Variants in ACSL3 observed in about 807,000 individuals in gnomAD.
ACSL3 encodes the protein fatty acid CoA ligase Acsl3.
Under a neutral mutation model 84.7 loss-of-function variants are expected in ACSL3, and 34 were observed. The observed-to-expected ratio is 0.40, with a 90% CI of 0.31 to 0.53. The LOEUF is 0.53. Among genes scored for constraint, ACSL3 ranks in the 20% least tolerant of loss-of-function variants. The pLI is 0.48. For missense variants in ACSL3, 680 were observed against 873.1 expected (o/e 0.78, Z 2.79); for synonymous variants, 315 against 299.4 (o/e 1.05, Z -0.54).
chr2:222,887,888 G>A lies in ACSL3; in HGVS notation c.-148G>A, dbSNP rs1695760790. On this transcript the variant is annotated splice_region_variant and 5_prime_UTR_variant, in exon 2 of 17. Transcript: ENST00000357430. ...CTAGTACCTCCTACCATTGTCAACT[G>A]GTAAAATATTTAATTTTTTATTACA... 1 of 151,770 alleles carries A rather than the reference G, an allele frequency of 6.6e-6. No individual in the cohort carries two copies. The highest frequency in any genetic ancestry group is 6.6e-5 in the Admixed American group (1 of 15,248). The allele number at this position is 151,770 out of a possible 1,614,324, so 9.4% of individuals were successfully genotyped here.
At chr2:222,938,450 T>C (rs533044865) in intron 16 of ACSL3, among the ~76,000 whole-genome samples, 17 of 152,298 alleles carry the variant, frequency 1.1e-4, no homozygotes, top group African/African-American at 4.1e-4. Context: ...GTTGACAATT[T>C]TTTTTCTTTC....
chr2:222,894,895 T>C (rs1695934576), intron 2 of ACSL3, among the ~76,000 whole-genome samples: 1 of 152,178 alleles, frequency 6.6e-6, no homozygotes. Flanking sequence ...ATTTTCTATT[T>C]TTGGTTTTTT....
At position 222,908,831 on chromosome 2, in the gene ACSL3, C is replaced by G. The variant is rs759132128; in HGVS notation, c.59C>G (p.Pro20Arg). 3.7e-6 allele frequency: 6 copies of G among 1,605,554 alleles called. No individual in the cohort carries two copies. The African/African-American group carries it at 8.1e-5, about 22-fold the overall frequency. The part of the protein sequence containing the change: ...STMKLKHTIN[P>R]ILLYFIHFLI... ...ATGAAGCTAAAACATACCATCAACC[C>G]TATTCTTTTATATTTTATACATTTT... is the stretch of plus-strand genomic sequence containing the variant. The change falls in exon 4 of 17, where the codon CCT becomes CGT. Residue 20 changes from proline (P) to arginine (R), a missense_variant. By Grantham distance (103) the Pro-to-Arg change is moderately radical. Transcript: ENST00000357430.
At chr2:222,910,147 G>A (rs1294704444) in intron 4 of ACSL3, among the ~76,000 whole-genome samples, 1 of 152,164 alleles carries the variant, frequency 6.6e-6, no homozygotes, top group African/African-American at 2.4e-5. Flanking sequence ...AGAATTCAAT[G>A]AGGAAAATTA....
chr2:222,868,365 G>C (rs146721810), intron 1 of ACSL3, among the ~76,000 whole-genome samples: 6 of 152,116 alleles, frequency 3.9e-5, no homozygotes, highest in Non-Finnish European at 7.3e-5. Flanking sequence ...AAATCTACCC[G>C]TAGATTGTTG....
At chr2:222,865,595 C>T (rs1330884731) in intron 1 of ACSL3, among the ~76,000 whole-genome samples, 3 of 152,254 alleles carry the variant, frequency 2.0e-5, no homozygotes, top group African/African-American at 7.2e-5. Context: ...AAATATATTA[C>T]AGGATGGTAT....
At chr2:222,864,393 TA>T (rs1014462111) in intron 1 of ACSL3, among the ~76,000 whole-genome samples, 1 of 152,048 alleles carries the variant, frequency 6.6e-6, no homozygotes, top group Admixed American at 6.6e-5. Context: ...GGCTATAGAA[TA>T]AGAAGAGAAG....
At chr2:222,933,519 G>A (rs1697090668) in intron 15 of ACSL3, 2 of 335,404 alleles carry the variant, frequency 6.0e-6, no homozygotes, top group South Asian at 6.7e-5. Context: ...CCCATGGAGG[G>A]AGGTGAAGAA....
chr2:222,937,160 TC>T (rs1439669569), intron 16 of ACSL3, among the ~76,000 whole-genome samples: 6 of 151,844 alleles, frequency 4.0e-5, no homozygotes, highest in Non-Finnish European at 1.5e-5. Context: ...TTAGGTTTAT[TC>T]CTAAGTATTT....
intron 1 of ACSL3, among the ~76,000 whole-genome samples, chr2:222,877,747 T>C (rs997089819): frequency 1.3e-5 from 2 of 152,212 alleles, no homozygotes; most frequent in African/African-American, 4.8e-5. Context: ...CTACCCAGAA[T>C]TGTGAGTCAC....
At chr2:222,923,885 T>A (rs114837546) in intron 10 of ACSL3, among the ~76,000 whole-genome samples, 1,624 of 152,350 alleles carry the variant, frequency 0.011, 15 homozygotes, top group African/African-American at 0.024. Flanking sequence ...GGAGGAAACA[T>A]TATTTTAAGT....
chr2:222,881,020 T>G (rs1401697457), intron 1 of ACSL3, among the ~76,000 whole-genome samples: 2 of 152,206 alleles, frequency 1.3e-5, no homozygotes, highest in African/African-American at 4.8e-5. Context: ...TCGTTTATTT[T>G]TTCATTGCAT....
chr2:222,880,630 C>T (rs903160374), intron 1 of ACSL3, among the ~76,000 whole-genome samples: 2 of 151,838 alleles, frequency 1.3e-5, no homozygotes, highest in Non-Finnish European at 2.9e-5. Flanking sequence ...AGATCAAGAC[C>T]ATCCTGGCTA....
chr2:222,933,360 T>C (rs1013556920), intron 15 of ACSL3, 80 bp downstream of exon 15: 1 of 990,156 alleles, frequency 1.0e-6, no homozygotes, highest in Non-Finnish European at 1.5e-6. Flanking sequence ...GGACCTTCTT[T>C]GTAAAAATGT....
chr2:222,907,290 A>T (rs2106116565), intron 3 of ACSL3, among the ~76,000 whole-genome samples: 1 of 152,154 alleles, frequency 6.6e-6, no homozygotes, highest in South Asian at 2.1e-4. Context: ...TGAAAGAGAA[A>T]GGATTCTTCA....
At chr2:222,922,172 C>T (rs1696758742) in intron 8 of ACSL3, among the ~76,000 whole-genome samples, 1 of 152,158 alleles carries the variant, frequency 6.6e-6, no homozygotes, top group Non-Finnish European at 1.5e-5. Context: ...TATACAAATA[C>T]TTACACATTT....
intron 16 of ACSL3, among the ~76,000 whole-genome samples, chr2:222,940,421 C>T (rs1205169527): frequency 2.6e-5 from 4 of 151,598 alleles, no homozygotes; most frequent in African/African-American, 9.7e-5. Flanking sequence ...GGTATGTATC[C>T]TTCTCCTCAC....
intron 1 of ACSL3, among the ~76,000 whole-genome samples, chr2:222,884,245 C>T (rs1695667976): frequency 6.6e-6 from 1 of 152,178 alleles, no homozygotes; most frequent in South Asian, 2.1e-4. Flanking sequence ...AGTATGTCAT[C>T]CCCCTGCTAA....
intron 4 of ACSL3, among the ~76,000 whole-genome samples, chr2:222,910,117 A>G (rs984328134): frequency 5.9e-5 from 9 of 152,228 alleles, no homozygotes; most frequent in Non-Finnish European, 8.8e-5. Flanking sequence ...AGCTTTTATT[A>G]TTAGATTACT....
Sources: allele counts gnomAD v4.1 joint callset (sites outside exome capture counted in the v4.1 genomes callset), GRCh38; gene constraint gnomAD v4.1.1; transcripts MANE v1.5; gene names NCBI Gene and HGNC (gene_info 2026-07-23, HGNC 2026-07-21).